The following AKAP6 variants were observed in gnomAD, a reference collection of about 807,000 sequenced individuals.
The protein encoded by AKAP6 is A-kinase anchor protein 6.
A neutral mutation model predicts 188.5 loss-of-function variants in AKAP6; 58 were observed. That is an observed-to-expected ratio of 0.31 (90% CI 0.25 to 0.38). The LOEUF is 0.38. Ranked by LOEUF, AKAP6 falls within the 10% of genes least tolerant of loss-of-function variation. The pLI, the probability that AKAP6 is intolerant of heterozygous loss-of-function variation, is 1.00. For missense variants in AKAP6, 2,710 were observed against 2,740.0 expected (o/e 0.99, Z 0.24); for synonymous variants, 989 against 998.6 (o/e 0.99, Z 0.18).
At chr14:32,660,450 G>C (rs1254220893) in intron 7 of AKAP6, among the ~76,000 whole-genome samples, 1 of 152,078 alleles carries the variant, frequency 6.6e-6, no homozygotes, top group Non-Finnish European at 1.5e-5. Context: ...CTAATTGTGG[G>C]CAATCACTCA....
At chr14:32,429,940 A>G (rs1890159075) in intron 1 of AKAP6, among the ~76,000 whole-genome samples, 1 of 152,354 alleles carries the variant, frequency 6.6e-6, no homozygotes, top group East Asian at 1.9e-4. Context: ...TCTTCTACAT[A>G]TATAACCACA....
At chr14:32,465,283 C>A (rs1476638266) in intron 2 of AKAP6, among the ~76,000 whole-genome samples, 1 of 152,178 alleles carries the variant, frequency 6.6e-6, no homozygotes, top group African/African-American at 2.4e-5. Context: ...ACAGCCAAGA[C>A]AATTCCAAGC....
intron 11 of AKAP6, among the ~76,000 whole-genome samples, chr14:32,762,720 GAA>G (rs1361591530): frequency 6.6e-6 from 1 of 151,994 alleles, no homozygotes; most frequent in Non-Finnish European, 1.5e-5. Context: ...GTTTGTAAAA[GAA>G]TGATTCTTTT....
chr14:32,570,297 A>C (rs1884420162), intron 4 of AKAP6, among the ~76,000 whole-genome samples: 1 of 83,198 alleles, frequency 1.2e-5, no homozygotes, highest in South Asian at 4.5e-4. Flanking sequence ...CGCCCAGCTG[A>C]TTTTTGTATT....
At chr14:32,634,410 T>C (rs1402460783) in intron 7 of AKAP6, among the ~76,000 whole-genome samples, 2 of 152,226 alleles carry the variant, frequency 1.3e-5, no homozygotes, top group African/African-American at 4.8e-5. Context: ...AACTTCAACT[T>C]TGAGTTCAAA....
At chr14:32,692,543 A>G (rs553496739) in intron 8 of AKAP6, among the ~76,000 whole-genome samples, 1 of 152,278 alleles carries the variant, frequency 6.6e-6, no homozygotes, top group South Asian at 2.1e-4. Flanking sequence ...TCACGTAAAG[A>G]ATGAGTAAAG....
intron 1 of AKAP6, among the ~76,000 whole-genome samples, chr14:32,335,304 A>T (rs987558653): frequency 6.6e-6 from 1 of 152,162 alleles, no homozygotes. Context: ...ATTCTTAATA[A>T]TTTTTTAATA....
intron 1 of AKAP6, among the ~76,000 whole-genome samples, chr14:32,387,115 A>G (rs974251216): frequency 1.2e-4 from 18 of 152,108 alleles, no homozygotes; most frequent in African/African-American, 4.3e-4. Flanking sequence ...TGTATAGAAG[A>G]GCTACTGATT....
At chr14:32,626,191 T>C (rs924049447) in intron 7 of AKAP6, among the ~76,000 whole-genome samples, 1 of 152,092 alleles carries the variant, frequency 6.6e-6, no homozygotes, top group African/African-American at 2.4e-5. Context: ...TATAGAATCA[T>C]TGCATCGCAA....
chr14:32,720,931 G>A (rs888939572), intron 9 of AKAP6, among the ~76,000 whole-genome samples: 7 of 152,162 alleles, frequency 4.6e-5, no homozygotes, highest in African/African-American at 1.7e-4. Flanking sequence ...GTTTGTTTAG[G>A]TTGGGAAATG....
At position 32,458,380 on chromosome 14, in the gene AKAP6, C is replaced by T. The variant is rs570275230; in HGVS notation, c.324+24563C>T. Among the ~76,000 whole-genome samples, 5 of 152,124 alleles carry T rather than the reference C, an allele frequency of 3.3e-5. No individual in the cohort carries two copies. The South Asian group carries it at 1.0e-3, about 32-fold the overall frequency. ...GGATAAATACTGACTTCAAAAAATT[C>T]ATGAGTGGTAATGATGTTACCTAAT... is the stretch of plus-strand genomic sequence containing the variant. On this transcript the variant is annotated intron_variant, in intron 2 of 13. Transcript: ENST00000280979.
At chr14:32,769,037 ATTTTTTTTTTTT>A (rs544997334) in intron 11 of AKAP6, among the ~76,000 whole-genome samples, 3 of 56,924 alleles carry the variant, frequency 5.3e-5, no homozygotes, top group Admixed American at 3.5e-4. Flanking sequence ...TGCTCTTTTG[ATTTTTTTTTTTT>A]TTTTTTTTTT....
intron 4 of AKAP6, among the ~76,000 whole-genome samples, chr14:32,551,875 C>T (rs1883485774): frequency 6.6e-6 from 1 of 151,782 alleles, no homozygotes; most frequent in African/African-American, 2.4e-5. Flanking sequence ...ACCGTGAGAG[C>T]CAGGATGGTC....
chr14:32,481,734 T>G (rs1359382336), intron 2 of AKAP6, among the ~76,000 whole-genome samples: 1 of 152,138 alleles, frequency 6.6e-6, no homozygotes, highest in Non-Finnish European at 1.5e-5. Context: ...AGCAAAACCA[T>G]ATAAATTTCC....
chr14:32,437,133 T>G (rs1257557411), intron 2 of AKAP6, among the ~76,000 whole-genome samples: 1 of 152,168 alleles, frequency 6.6e-6, no homozygotes, highest in Non-Finnish European at 1.5e-5. Flanking sequence ...CTGACAGCTT[T>G]TCCTGTTCCT....
At chr14:32,449,295 A>G (rs1372266413) in intron 2 of AKAP6, among the ~76,000 whole-genome samples, 1 of 152,076 alleles carries the variant, frequency 6.6e-6, no homozygotes, top group Non-Finnish European at 1.5e-5. Flanking sequence ...ATTACTTGAG[A>G]TCAGGAGTTT....
At chr14:32,802,465 G>A (rs1313884472) in intron 12 of AKAP6, among the ~76,000 whole-genome samples, 1 of 152,150 alleles carries the variant, frequency 6.6e-6, no homozygotes, top group African/African-American at 2.4e-5. Flanking sequence ...AGTAGTGAAA[G>A]AAATGCAAAG....
intron 1 of AKAP6, among the ~76,000 whole-genome samples, chr14:32,342,053 G>A (rs1433914481): frequency 1.3e-5 from 2 of 152,128 alleles, no homozygotes; most frequent in Non-Finnish European, 2.9e-5. Flanking sequence ...TTGAGTCCAT[G>A]AGTCTGGTAC....
intron 2 of AKAP6, among the ~76,000 whole-genome samples, chr14:32,515,345 G>A (rs1168385448): frequency 6.6e-6 from 1 of 152,090 alleles, no homozygotes; most frequent in Non-Finnish European, 1.5e-5. Context: ...GGTGAATTTT[G>A]GTTGGGGACA....
Sources: gnomAD v4.1 joint callset for allele counts (sites outside exome capture counted in the v4.1 genomes callset) on GRCh38, gnomAD v4.1.1 for gene constraint, MANE v1.5 for transcripts, NCBI Gene and HGNC (gene_info 2026-07-23, HGNC 2026-07-21) for gene names.